Variants in KIAA1549 observed in about 807,000 individuals in gnomAD.
KIAA1549 encodes the protein KIAA1549, also known as UPF0606 protein KIAA1549.
In KIAA1549, 70 loss-of-function variants were observed where a neutral mutation model predicts 156.4. The ratio of observed to expected loss-of-function variants is 0.45; its 90% CI spans 0.37 to 0.55. KIAA1549 has a LOEUF of 0.55. Ranked by LOEUF, KIAA1549 falls within the 20% of genes least tolerant of loss-of-function variation. KIAA1549 has a pLI of 0.00. For missense variants in KIAA1549, 2,428 were observed against 2,540.9 expected (o/e 0.96, Z 0.96); for synonymous variants, 1,103 against 1,066.4 (o/e 1.03, Z -0.67).
intron 1 of KIAA1549, 161 bp from the exon 2 acceptor site, chr7:138,919,599 T>C (rs1422299716): frequency 4.9e-6 from 6 of 1,212,840 alleles, no homozygotes; most frequent in African/African-American, 4.6e-5. Context: ...AAACGAGAAA[T>C]TGACAGAATT....
At chr7:138,880,592 T>G (rs1391536646) in intron 11 of KIAA1549, among the ~76,000 whole-genome samples, 1 of 152,156 alleles carries the variant, frequency 6.6e-6, no homozygotes, top group Non-Finnish European at 1.5e-5. Flanking sequence ...GAAATCAGGA[T>G]TTGGCGTTCC....
At chr7:138,940,864 T>C (rs957106914) in intron 1 of KIAA1549, among the ~76,000 whole-genome samples, 6 of 152,190 alleles carry the variant, frequency 3.9e-5, no homozygotes, top group Non-Finnish European at 8.8e-5. Context: ...ATGGGGTTGT[T>C]TGTTTTTTTC....
chr7:138,832,927 G>C lies in KIAA1549; in HGVS notation c.*4979C>G, dbSNP rs139563306. The C allele has an allele frequency of 1.9e-4, 45 of 230,828 alleles. No homozygotes were observed. The highest frequency in any genetic ancestry group is 2.8e-4 in the Non-Finnish European group (33 of 116,594). The allele number at this position is 230,828 out of a possible 1,614,324, so 14.3% of individuals were successfully genotyped here. ...AAGTGTTAAGTCTATCATAGTTGAT[G>C]AGTATGTTACAGCAGCTGCTCATAG... is the stretch of plus-strand genomic sequence containing the variant. On this transcript the variant is annotated 3_prime_UTR_variant, in exon 20 of 20. Transcript: ENST00000422774.
At chr7:138,839,613 T>G (rs1809846371) in intron 19 of KIAA1549, among the ~76,000 whole-genome samples, 1 of 152,108 alleles carries the variant, frequency 6.6e-6, no homozygotes, top group Non-Finnish European at 1.5e-5. Flanking sequence ...AAGCTTGAAC[T>G]CTGCCTCAAG....
At position 138,916,827 on chromosome 7, in the gene KIAA1549, G is replaced by A. The variant is rs61995719; in HGVS notation, c.2799C>T (p.Val933=). Residue 933 remains valine (V), a synonymous_variant, in exon 2 of 20, where the codon GTC becomes GTT. Coordinates refer to ENST00000422774, the MANE Select transcript of KIAA1549 (RefSeq NM_001164665.2). ...PVTAFTLEAT[V]DTPTLATAKP... is the part of the protein sequence containing the mutation. ...TGGCAGTAGCCAGTGTTGGTGTGTC[G>A]ACTGTTGCTTCGAGAGTGAAGGCAG... 7,472 of 1,613,916 alleles carry A rather than the reference G, an allele frequency of 4.6e-3. 314 individuals carry two copies. The African/African-American group carries it at 0.087, about 19-fold the overall frequency.
At chr7:138,972,337 C>T (rs919478084) in intron 1 of KIAA1549, among the ~76,000 whole-genome samples, 2 of 151,810 alleles carry the variant, frequency 1.3e-5, no homozygotes, top group African/African-American at 4.8e-5. Context: ...TTCTGAAACT[C>T]GGCACAATGA....
chr7:138,867,899 T>G, intron 15 of KIAA1549, 76 bp downstream of exon 15: 16 of 1,506,582 alleles, frequency 1.1e-5, no homozygotes, highest in Non-Finnish European at 1.5e-5. Context: ...GTGCTGCTGC[T>G]TCTCCTCCCC....
At chr7:138,864,699 A>G (rs1296006296) in intron 15 of KIAA1549, among the ~76,000 whole-genome samples, 1 of 152,232 alleles carries the variant, frequency 6.6e-6, no homozygotes, top group African/African-American at 2.4e-5. Flanking sequence ...GTTGTCCAGG[A>G]CAACCTCAGT....
At chr7:138,927,970 G>GA (rs1161107741) in intron 1 of KIAA1549, among the ~76,000 whole-genome samples, 7 of 150,846 alleles carry the variant, frequency 4.6e-5, no homozygotes, top group African/African-American at 1.7e-4. Flanking sequence ...GCCCAGGCTG[G>GA]AGTGCAGTGG....
rs1425791226 is a variant in KIAA1549, at chr7:138,871,232, C to T, written c.4476G>A (p.Gln1492=). The change falls in exon 13 of 20, where the codon CAG becomes CAA. Residue 1492 remains glutamine (Q), a synonymous_variant. Transcript: ENST00000422774. ...VPSKIQLIAM[Q]PIPAPPVQRP... is the part of the protein sequence containing the mutation. ...GCTGGACGGGAGGTGCCGGGATCGGCTGCATGGCGATAAGCTGGATCTTAC... is the reference window on the plus strand; with the variant it reads ...GCTGGACGGGAGGTGCCGGGATCGGTTGCATGGCGATAAGCTGGATCTTAC... The T allele has an allele frequency of 3.1e-6, 5 of 1,613,252 alleles. No homozygotes were observed. Among genetic ancestry groups the T allele is most frequent in the Non-Finnish European group, 4.2e-6 (5 of 1,179,770 alleles).
Position 138,928,924 on chromosome 7 carries a change from AT to A in KIAA1549, c.188-9487del, listed in dbSNP as rs568084286. Reference sequence around the variant, plus strand: ...TATAATAAAAAATACATTAAAAAAAATGTACACATCTTAACTAAAAATACTT... The same window carrying A: ...TATAATAAAAAATACATTAAAAAAAAGTACACATCTTAACTAAAAATACTT... On this transcript the variant is annotated intron_variant, in intron 1 of 19. Coordinates refer to ENST00000422774, the MANE Select transcript of KIAA1549 (RefSeq NM_001164665.2). Among the ~76,000 whole-genome samples the A allele has an allele frequency of 6.2e-4, 95 of 152,336 alleles. 1 individual carries two copies. In the Middle Eastern group the frequency reaches 0.014, roughly 22 times the overall value.
intron 13 of KIAA1549, 118 bp downstream of exon 13, chr7:138,871,039 A>G (rs1335147383): frequency 1.1e-6 from 1 of 907,392 alleles, no homozygotes; most frequent in Non-Finnish European, 1.7e-6. Context: ...CTGGTCTCAA[A>G]CTCCCGACCT....
At chr7:138,864,611 T>C (rs780809545) in intron 15 of KIAA1549, among the ~76,000 whole-genome samples, 15 of 152,334 alleles carry the variant, frequency 9.8e-5, no homozygotes, top group Non-Finnish European at 1.9e-4. Flanking sequence ...TAAATGTACA[T>C]CTTTTCACTG....
intron 16 of KIAA1549, among the ~76,000 whole-genome samples, chr7:138,859,556 C>T (rs1399889555): frequency 6.6e-6 from 1 of 152,162 alleles, no homozygotes. Context: ...CTGCACGCTC[C>T]CTCATGAACT....
intron 10 of KIAA1549, among the ~76,000 whole-genome samples, chr7:138,885,397 G>A (rs1811361727): frequency 6.6e-6 from 1 of 152,126 alleles, no homozygotes; most frequent in Admixed American, 6.5e-5. Flanking sequence ...CATAGCCCTA[G>A]CAGCATGACC....
chr7:138,833,523 A>G lies in KIAA1549; in HGVS notation c.*4383T>C, dbSNP rs1354253069. ...ACCCGTGCTTTGCCTCACAGTCCGC[A>G]TGCCAGGAAAGATCTGGCCGGCAAA... On this transcript the variant is annotated 3_prime_UTR_variant, in exon 20 of 20. Transcript: ENST00000422774. 8.6e-6 allele frequency: 2 copies of G among 232,588 alleles called. No homozygotes were observed. Among genetic ancestry groups the G allele is most frequent in the Non-Finnish European group, 1.7e-5 (2 of 117,700 alleles). The allele number at this position is 232,588 out of a possible 1,614,324, so 14.4% of individuals were successfully genotyped here. A position where few individuals can be genotyped will look rare whatever the true frequency, so the allele number is the denominator to read the frequency against.
At chr7:138,934,029 C>T (rs1266738734) in intron 1 of KIAA1549, among the ~76,000 whole-genome samples, 1 of 152,080 alleles carries the variant, frequency 6.6e-6, no homozygotes. Flanking sequence ...CTCAGGTTCT[C>T]ATCAGGAAGT....
Position 138,868,051 on chromosome 7 carries a change from C to A in KIAA1549, c.4853G>T (p.Arg1618Leu), listed in dbSNP as rs371041410. The change falls in exon 15 of 20, where the codon CGG becomes CTG. Residue 1618 changes from arginine to leucine, a missense_variant. Physicochemically the swap from Arg to Leu is moderately radical, Grantham distance 102 (BLOSUM62 -2). Around this residue, in one of 5 missense-constraint regions of KIAA1549, gnomAD observed 404 missense variants for 417.0 expected, o/e 0.97. Transcript: ENST00000422774. Reference protein sequence around the residue: ...NGCPADAEKDRLITTDSDGTY... With the variant: ...NGCPADAEKDLLITTDSDGTY... ...GCCATCGCTGTCTGTGGTGATGAGC[C>A]GGTCCTTCTCAGCGTCGGCAGGACA... is the stretch of plus-strand genomic sequence containing the variant. 1.1e-5 allele frequency: 17 copies of A among 1,613,828 alleles called. No homozygotes were observed. Among genetic ancestry groups the A allele is most frequent in the African/African-American group, 5.3e-5 (4 of 74,924 alleles).
chr7:138,917,738 G>A lies in KIAA1549; in HGVS notation c.1888C>T (p.Pro630Ser), dbSNP rs369518019. 33 of 1,588,322 alleles carry A rather than the reference G, an allele frequency of 2.1e-5. No homozygotes were observed. Among genetic ancestry groups the A allele is most frequent in the Non-Finnish European group, 2.8e-5 (33 of 1,167,230 alleles). The change falls in exon 2 of 20, where the codon CCC (proline) becomes TCC (serine). Residue 630 changes from proline to serine, a missense_variant. Pro to Ser is a moderately conservative substitution (Grantham distance 74). Transcript: ENST00000422774. The stretch of plus-strand genomic sequence containing the variant: ...ATGGAGCCGCTGAGTTCCAGCGGGG[G>A]TGTTGAGAAAAAGCTGGATGCAAAA... ...LDFASSFFST[P>S]PLELSGSISS...
Sources: allele counts gnomAD v4.1 joint callset (sites outside exome capture counted in the v4.1 genomes callset), GRCh38; gene constraint gnomAD v4.1.1; regional missense constraint gnomAD v4.1.1; transcripts MANE v1.5; gene names NCBI Gene and HGNC (gene_info 2026-07-23, HGNC 2026-07-21).